NOS1: variants seen among roughly 807,000 people sequenced by gnomAD.
The protein encoded by NOS1 is nitric oxide synthase 1.
A neutral mutation model predicts 164.5 loss-of-function variants in NOS1; 51 were observed. The ratio of observed to expected loss-of-function variants is 0.31; its 90% CI spans 0.25 to 0.39. The LOEUF is 0.39. NOS1 is among the 10% of genes least tolerant of loss of function. The pLI is 1.00. For synonymous variants in NOS1, 719 were observed against 745.8 expected (o/e 0.96, Z 0.59); for missense variants, 1,362 against 1,885.6 (o/e 0.72, Z 5.14).
chr12:117,300,054 C>G (rs993090828), intron 3 of NOS1, among the ~76,000 whole-genome samples: 1 of 152,068 alleles, frequency 6.6e-6, no homozygotes, highest in Non-Finnish European at 1.5e-5. Context: ...AAATGCACAA[C>G]AAGTTTCATG....
At chr12:117,281,837 G>GAAAAAAAAAAAAA (rs11423140) in intron 7 of NOS1, among the ~76,000 whole-genome samples, 1 of 131,742 alleles carries the variant, frequency 7.6e-6, no homozygotes. Flanking sequence ...CTCAAAAAAA[G>GAAAAAAAAAAAAA]AAAAAAAAAA....
chr12:117,249,497 T>C (rs911035324), intron 17 of NOS1, among the ~76,000 whole-genome samples: 3 of 152,180 alleles, frequency 2.0e-5, no homozygotes, highest in African/African-American at 7.2e-5. Context: ...GTTTTAAATA[T>C]GAAGATAATG....
At chr12:117,283,991 G>A (rs1180162928) in intron 7 of NOS1, among the ~76,000 whole-genome samples, 1 of 151,918 alleles carries the variant, frequency 6.6e-6, no homozygotes, top group African/African-American at 2.4e-5. Context: ...TTGGAAAAGA[G>A]TTGTCTTGGG....
chr12:117,232,178 G>A, intron 21 of NOS1, 47 bp from the exon 22 acceptor site: 1 of 1,590,406 alleles, frequency 6.3e-7, no homozygotes, highest in Non-Finnish European at 8.6e-7. Context: ...GAGGGCTTGA[G>A]TCCAAGTCGG....
intron 9 of NOS1, among the ~76,000 whole-genome samples, chr12:117,276,307 G>A (rs1446241283): frequency 1.3e-5 from 2 of 151,678 alleles, no homozygotes; most frequent in African/African-American, 4.8e-5. Flanking sequence ...TTTTGAGATG[G>A]GGTCTTGCTC....
chr12:117,218,759 G>T (rs1486121192), intron 27 of NOS1, among the ~76,000 whole-genome samples: 1 of 152,088 alleles, frequency 6.6e-6, no homozygotes, highest in Non-Finnish European at 1.5e-5. Context: ...CCCAAACGAC[G>T]ACTGACTTGT....
In NOS1 at chr12:117,214,872, C is replaced by T. The variant is rs958376896; in HGVS notation, c.*437G>A. The T allele has an allele frequency of 5.6e-5, 55 of 989,958 alleles. No individual in the cohort carries two copies. The highest frequency in any genetic ancestry group is 1.4e-4 in the South Asian group (3 of 21,302). 61.3% of individuals were successfully genotyped at this position (989,958 alleles called of 1,614,324 possible). ...ACACACACACACACACACACAGGCA[C>T]GCACAACCAAAATGTCATCATAAAA... On this transcript the variant is annotated 3_prime_UTR_variant, in exon 29 of 29. Coordinates refer to ENST00000317775, the MANE Select transcript of NOS1 (RefSeq NM_000620.5).
chr12:117,298,174 C>A (rs990874284), intron 3 of NOS1, among the ~76,000 whole-genome samples: 2 of 151,770 alleles, frequency 1.3e-5, no homozygotes, highest in African/African-American at 4.8e-5. Flanking sequence ...ACTAGATGGT[C>A]CCATCTGGGG....
intron 22 of NOS1, among the ~76,000 whole-genome samples, chr12:117,228,777 C>T (rs896528382): frequency 1.3e-5 from 2 of 152,004 alleles, no homozygotes; most frequent in Non-Finnish European, 2.9e-5. Flanking sequence ...TATTTTTAAA[C>T]TTTTTTAAAT....
chr12:117,326,999 G>C (rs549118481), intron 2 of NOS1, among the ~76,000 whole-genome samples: 3 of 152,284 alleles, frequency 2.0e-5, no homozygotes, highest in Admixed American at 1.3e-4. Context: ...TCCTCTGGGG[G>C]ACGTCTCCAC....
chr12:117,214,733 A>T lies in NOS1; in HGVS notation c.*576T>A, dbSNP rs550096591. ...GACACACGAGGGATTAATATGGGCC[A>T]GGGACACGTTTCTTGGCATTGAGGG... On this transcript the variant is annotated 3_prime_UTR_variant, in exon 29 of 29. Coordinates refer to ENST00000317775, the MANE Select transcript of NOS1 (RefSeq NM_000620.5). The T allele has an allele frequency of 3.0e-6, 3 of 985,364 alleles. No homozygotes were observed. In the East Asian group the frequency reaches 3.4e-4, roughly 112 times the overall value. 61.0% of individuals were successfully genotyped at this position (985,364 alleles called of 1,614,324 possible).
At chr12:117,247,031 G>A (rs892157544) in intron 18 of NOS1, among the ~76,000 whole-genome samples, 1 of 152,066 alleles carries the variant, frequency 6.6e-6, no homozygotes, top group African/African-American at 2.4e-5. Context: ...ACCATCTCTT[G>A]TTTTCTTTGT....
chr12:117,262,488 G>GGAGAGA (rs71099035), intron 13 of NOS1, among the ~76,000 whole-genome samples: 5 of 118,582 alleles, frequency 4.2e-5, no homozygotes, highest in African/African-American at 1.5e-4. Flanking sequence ...AGGGGGAGGG[G>GGAGAGA]GAGAGAGAGA....
At position 117,331,186 on chromosome 12, in the gene NOS1, G is replaced by A; in HGVS notation, c.-117C>T. On this transcript the variant is annotated 5_prime_UTR_variant, in exon 2 of 29. Coordinates refer to ENST00000317775, the MANE Select transcript of NOS1 (RefSeq NM_000620.5). ...ACGGAGAGCAGGAGCCGGGGTGACA[G>A]GTGCTGACAAGGCTTCAGCCCTCTC... The A allele has an allele frequency of 1.5e-6, 2 of 1,332,552 alleles. No individual in the cohort carries two copies. Among genetic ancestry groups the A allele is most frequent in the Admixed American group, 2.2e-5 (1 of 45,096 alleles). The allele number at this position is 1,332,552 out of a possible 1,614,324, so 82.5% of individuals were successfully genotyped here.
intron 1 of NOS1, among the ~76,000 whole-genome samples, chr12:117,337,104 CTCTTTTTTTT>C (rs1224843358): frequency 5.3e-5 from 5 of 94,074 alleles, no homozygotes; most frequent in Admixed American, 1.3e-4. Context: ...CTGCTTTTTA[CTCTTTTTTTT>C]TTTTTTTTTT....
At chr12:117,265,088 T>C (rs2393208) in intron 12 of NOS1, among the ~76,000 whole-genome samples, 151,109 of 152,176 alleles carry the variant, frequency 0.99, 75,027 homozygotes, top group East Asian at 1. Flanking sequence ...TCAAGCCACC[T>C]TCCCACCTCA....
rs746098821 is a variant in NOS1, at chr12:117,282,243, CT to C, written c.1383-1378del. 1.4e-4 allele frequency among the ~76,000 whole-genome samples: 22 copies of C among 151,976 alleles called. 1 individual carries two copies. In the East Asian group the frequency reaches 4.1e-3, roughly 28 times the overall value. Reference sequence around the variant, plus strand: ...AAAAAAAAAAAGGAAAGGAAAATAACTTTTTCACGATGTAGTTCAATGTCAT... The same window carrying C: ...AAAAAAAAAAAGGAAAGGAAAATAACTTTTCACGATGTAGTTCAATGTCAT... On this transcript the variant is annotated intron_variant, in intron 7 of 28. Transcript: ENST00000317775.
At chr12:117,251,887 A>G (rs1225877397) in intron 17 of NOS1, among the ~76,000 whole-genome samples, 5 of 151,172 alleles carry the variant, frequency 3.3e-5, no homozygotes, top group African/African-American at 1.2e-4. Flanking sequence ...GCATGCCACC[A>G]TGCCCAGCTA....
chr12:117,256,938 G>A (rs60832967), intron 16 of NOS1, among the ~76,000 whole-genome samples: 2,928 of 152,136 alleles, frequency 0.019, 92 homozygotes, highest in African/African-American at 0.066. Context: ...CAGGCATGGT[G>A]GTGTGTGCCT....
Sources: allele counts gnomAD v4.1 joint callset (sites outside exome capture counted in the v4.1 genomes callset), GRCh38; gene constraint gnomAD v4.1.1; transcripts MANE v1.5; gene names NCBI Gene and HGNC (gene_info 2026-07-23, HGNC 2026-07-21).